SMCHD1: variants seen among roughly 807,000 people sequenced by gnomAD.
The protein encoded by SMCHD1 is structural maintenance of chromosomes flexible hinge domain-containing protein 1.
SMCHD1 carries 78 observed loss-of-function variants against 254.7 expected under a neutral mutation model. The ratio of observed to expected loss-of-function variants is 0.31; its 90% CI spans 0.26 to 0.37. The LOEUF (loss-of-function observed/expected upper bound fraction) is 0.37. Ranked by LOEUF, SMCHD1 falls within the 10% of genes least tolerant of loss-of-function variation. The probability of loss-of-function intolerance (pLI) is 1.00; values close to 1 mark genes in which losing one functional copy is unlikely to be tolerated. For missense variants in SMCHD1, 1,840 were observed against 2,408.1 expected (o/e 0.76, Z 4.94); for synonymous variants, 766 against 794.9 (o/e 0.96, Z 0.61).
chr18:2,683,277 T>C (rs1159390917), intron 5 of SMCHD1, among the ~76,000 whole-genome samples: 17 of 152,216 alleles, frequency 1.1e-4, no homozygotes, highest in Admixed American at 1.1e-3. Context: ...TGGTTAATCA[T>C]AATTCTAGGA....
rs1281784547 is a variant in SMCHD1, at chr18:2,707,413, T to A, written c.2064-150T>A. The A allele has an allele frequency of 3.0e-5, 13 of 435,718 alleles. No homozygotes were observed. The South Asian group carries it at 3.9e-4, about 13-fold the overall frequency. The allele number at this position is 435,718 out of a possible 1,614,324, so 27.0% of individuals were successfully genotyped here. A position where few individuals can be genotyped will look rare whatever the true frequency, so the allele number is the denominator to read the frequency against. ...CAGGAATGGTTAGGGAGGAAAAAAATTTTTAGATGATTAATCGTAAAGAAT... is the reference window on the plus strand; with the variant it reads ...CAGGAATGGTTAGGGAGGAAAAAAAATTTTAGATGATTAATCGTAAAGAAT... On this transcript the variant is annotated intron_variant, in intron 15 of 47. Transcript: ENST00000320876.
intron 7 of SMCHD1, among the ~76,000 whole-genome samples, chr18:2,691,374 C>G (rs891236149): frequency 2.6e-5 from 4 of 152,150 alleles, no homozygotes; most frequent in African/African-American, 9.7e-5. Context: ...CAACAAGTAC[C>G]TGGTCTGTTT....
Position 2,718,934 on chromosome 18 carries a change from T to C in SMCHD1, c.2458+500T>C, listed in dbSNP as rs1196619837. ...TTTTGAAGACATTGTTTTCTACTTT[T>C]CATTGTTGCTGGTAAAGTCTAAAGC... On this transcript the variant is annotated intron_variant, in intron 19 of 47. Coordinates refer to ENST00000320876, the MANE Select transcript of SMCHD1 (RefSeq NM_015295.3). This position sits in a 1 kb window ranked among gnomAD's most constrained non-coding sequence, Gnocchi z 4.6. Among the ~76,000 whole-genome samples the C allele has an allele frequency of 6.6e-6, 1 of 152,092 alleles. No individual in the cohort carries two copies. Among genetic ancestry groups the C allele is most frequent in the Non-Finnish European group, 1.5e-5 (1 of 68,016 alleles).
At chr18:2,763,096 T>G (rs745841642) in intron 36 of SMCHD1, among the ~76,000 whole-genome samples, 9 of 152,224 alleles carry the variant, frequency 5.9e-5, no homozygotes, top group Non-Finnish European at 1.0e-4. Flanking sequence ...TTGTCTACTT[T>G]CAGTTTATTT....
intron 3 of SMCHD1, among the ~76,000 whole-genome samples, chr18:2,669,496 A>G (rs928039020): frequency 6.6e-6 from 1 of 152,012 alleles, no homozygotes; most frequent in African/African-American, 2.4e-5. Flanking sequence ...TTTTCTTCTT[A>G]CCTCACTGCC....
intron 5 of SMCHD1, among the ~76,000 whole-genome samples, chr18:2,685,303 G>A (rs2074025945): frequency 6.6e-6 from 1 of 151,878 alleles, no homozygotes; most frequent in Admixed American, 6.6e-5. Flanking sequence ...GTTTCTCCGT[G>A]TTAGCCAGGA....
At chr18:2,700,169 A>G (rs558888660) in intron 10 of SMCHD1, among the ~76,000 whole-genome samples, 13 of 152,360 alleles carry the variant, frequency 8.5e-5, no homozygotes, top group East Asian at 7.7e-4. Context: ...ATGTGAACAT[A>G]CTAGTTCTGA....
At chr18:2,766,459 A>G (rs1568342269) in intron 37 of SMCHD1, among the ~76,000 whole-genome samples, 1 of 152,224 alleles carries the variant, frequency 6.6e-6, no homozygotes, top group African/African-American at 2.4e-5. Flanking sequence ...GGACCCTGAT[A>G]TCTCACTGAA....
intron 47 of SMCHD1, among the ~76,000 whole-genome samples, chr18:2,797,426 A>G (rs1016736286): frequency 2.0e-5 from 3 of 152,222 alleles, no homozygotes; most frequent in South Asian, 2.1e-4. Flanking sequence ...TCTCATATCA[A>G]CCGTAGAGGA....
chr18:2,710,957 C>T (rs562263847), intron 17 of SMCHD1, among the ~76,000 whole-genome samples: 4 of 151,906 alleles, frequency 2.6e-5, no homozygotes, highest in East Asian at 3.9e-4. Flanking sequence ...TGATGTATTG[C>T]GTTGATTGGT....
chr18:2,730,780 C>T (rs1482370761), intron 24 of SMCHD1, among the ~76,000 whole-genome samples: 1 of 152,192 alleles, frequency 6.6e-6, no homozygotes, highest in African/African-American at 2.4e-5. Context: ...TACAAGATGT[C>T]TTTTACTTTT....
intron 45 of SMCHD1, among the ~76,000 whole-genome samples, chr18:2,791,215 A>G (rs1017572600): frequency 3.0e-4 from 45 of 152,196 alleles, no homozygotes; most frequent in Non-Finnish European, 5.6e-4. Flanking sequence ...ACAAAGAAAA[A>G]TAAATATGAA....
At chr18:2,751,444 CT>C in intron 33 of SMCHD1, 51 bp downstream of exon 33, 5 of 1,005,244 alleles carry the variant, frequency 5.0e-6, no homozygotes, top group Middle Eastern at 4.1e-4. Flanking sequence ...TTACATTTAA[CT>C]TAAAACTAAG....
chr18:2,747,511 A>G lies in SMCHD1; in HGVS notation c.3802-11A>G, dbSNP rs370754409. ...TTTTAGTGTTTCTTAAAATATTTCT[A>G]TTCTTTTCAGTCCATTCCAGTGATT... On this transcript the variant is annotated splice_polypyrimidine_tract_variant and intron_variant, in intron 29 of 47. Transcript: ENST00000320876. 23 of 1,588,114 alleles carry G rather than the reference A, an allele frequency of 1.4e-5. No homozygotes were observed. Among genetic ancestry groups the G allele is most frequent in the South Asian group, 1.0e-4 (9 of 87,464 alleles).
intron 34 of SMCHD1, among the ~76,000 whole-genome samples, chr18:2,759,306 T>A (rs1463813640): frequency 6.6e-6 from 1 of 152,178 alleles, no homozygotes; most frequent in Non-Finnish European, 1.5e-5. Context: ...ATTGACATGA[T>A]TCAAAGGAAG....
chr18:2,656,366 C>G (rs1030001964), intron 1 of SMCHD1, 105 bp downstream of exon 1: 2 of 1,081,790 alleles, frequency 1.8e-6, no homozygotes, highest in Admixed American at 4.2e-5. Flanking sequence ...CACCCGGTCC[C>G]GGTCCTGCGG....
At chr18:2,681,412 CAAAAAA>C (rs11448086) in intron 5 of SMCHD1, among the ~76,000 whole-genome samples, 1 of 104,012 alleles carries the variant, frequency 9.6e-6, no homozygotes, top group African/African-American at 3.6e-5. Flanking sequence ...GACCCCATCT[CAAAAAA>C]AAAAAAAAAA....
intron 45 of SMCHD1, among the ~76,000 whole-genome samples, chr18:2,791,471 G>A (rs1356500276): frequency 3.9e-5 from 6 of 152,176 alleles, no homozygotes; most frequent in Non-Finnish European, 8.8e-5. Flanking sequence ...ACTTCTTTGG[G>A]AGGCTGAGGT....
intron 25 of SMCHD1, among the ~76,000 whole-genome samples, chr18:2,734,787 G>A (rs1394383489): frequency 6.6e-6 from 1 of 151,860 alleles, no homozygotes; most frequent in Non-Finnish European, 1.5e-5. Context: ...AATTCACCAC[G>A]GGCCAGGCGT....
Sources: gnomAD v4.1 joint callset for allele counts (sites outside exome capture counted in the v4.1 genomes callset) on GRCh38, gnomAD v4.1.1 for gene constraint, Gnocchi (gnomAD v3.1) non-coding constraint, MANE v1.5 for transcripts, NCBI Gene and HGNC (gene_info 2026-07-23, HGNC 2026-07-21) for gene names.